PACRG: variants seen among roughly 807,000 people sequenced by gnomAD.
PACRG encodes the protein parkin coregulated.
A neutral mutation model predicts 29.7 loss-of-function variants in PACRG; 29 were observed. The ratio of observed to expected loss-of-function variants is 0.98; its 90% CI spans 0.73 to 1.33. The LOEUF (loss-of-function observed/expected upper bound fraction) is 1.33, where lower values mean the gene tolerates loss of function less well. Among genes scored for constraint, PACRG ranks in the 40% most tolerant of loss-of-function variants. PACRG has a pLI of 0.00. For synonymous variants in PACRG, 116 were observed against 118.7 expected (o/e 0.98, Z 0.15); for missense variants, 279 against 316.2 (o/e 0.88, Z 0.89).
chr6:163,020,586 C>A (rs886392579), intron 2 of PACRG, among the ~76,000 whole-genome samples: 3 of 152,220 alleles, frequency 2.0e-5, no homozygotes, highest in African/African-American at 7.2e-5. Flanking sequence ...CTGAGTCCAG[C>A]AGCAGCGTTC....
chr6:163,246,160 T>G (rs1356188749), intron 4 of PACRG, among the ~76,000 whole-genome samples: 1 of 152,216 alleles, frequency 6.6e-6, no homozygotes, highest in African/African-American at 2.4e-5. Context: ...ACGCTTAGAA[T>G]CAATGTCAGT....
intron 4 of PACRG, among the ~76,000 whole-genome samples, chr6:163,233,393 A>G (rs577639157): frequency 6.6e-6 from 1 of 152,252 alleles, no homozygotes; most frequent in Non-Finnish European, 1.5e-5. Flanking sequence ...CAGTTGACCT[A>G]GATGGTAATT....
rs182707459 is a variant in PACRG at position 162,792,866 on chromosome 6, C to T, written c.157-21281C>T. On this transcript the variant is annotated intron_variant, in intron 1 of 4. Coordinates refer to ENST00000366888, the MANE Select transcript of PACRG (RefSeq NM_001080379.2). ...ATTTCAGAAAAGGAGATGTGTAGAG[C>T]CATTCAGGAGCCAGAATGCAAAATG... Among the ~76,000 whole-genome samples the T allele has an allele frequency of 7.1e-4, 108 of 152,182 alleles. No homozygotes were observed. In the East Asian group the frequency reaches 0.011, roughly 16 times the overall value.
intron 1 of PACRG, among the ~76,000 whole-genome samples, chr6:162,753,473 A>C (rs1781669472): frequency 6.6e-6 from 1 of 152,162 alleles, no homozygotes; most frequent in African/African-American, 2.4e-5. Flanking sequence ...CATTTAATTT[A>C]TATCGCAATT....
intron 2 of PACRG, among the ~76,000 whole-genome samples, chr6:163,026,981 G>A (rs536974080): frequency 3.9e-5 from 6 of 152,348 alleles, no homozygotes; most frequent in South Asian, 4.1e-4. Context: ...TCTGAGCAAC[G>A]TGGATATGCT....
intron 2 of PACRG, among the ~76,000 whole-genome samples, chr6:162,881,243 G>T (rs1260371254): frequency 6.6e-6 from 1 of 152,182 alleles, no homozygotes; most frequent in Non-Finnish European, 1.5e-5. Flanking sequence ...CCTGATGGTT[G>T]TCTTCAAAAT....
intron 2 of PACRG, among the ~76,000 whole-genome samples, chr6:162,904,233 C>A (rs73786128): frequency 0.039 from 5,874 of 152,296 alleles, 394 homozygotes; most frequent in African/African-American, 0.13. Flanking sequence ...CTACAGAATA[C>A]CTTCACAGAA....
At chr6:162,785,197 AGAGAGG>A (rs1258468527) in intron 1 of PACRG, among the ~76,000 whole-genome samples, 12 of 150,742 alleles carry the variant, frequency 8.0e-5, no homozygotes, top group African/African-American at 2.7e-4. Context: ...AGAGAGAGAG[AGAGAGG>A]GAGAGAAAGG....
chr6:163,041,227 C>T (rs1179572321), intron 2 of PACRG, among the ~76,000 whole-genome samples: 1 of 152,090 alleles, frequency 6.6e-6, no homozygotes, highest in African/African-American at 2.4e-5. Context: ...GTCCCAGCTA[C>T]TTGGGAGGGT....
At chr6:162,973,530 C>A (rs1405936750) in intron 2 of PACRG, among the ~76,000 whole-genome samples, 1 of 152,106 alleles carries the variant, frequency 6.6e-6, no homozygotes, top group African/African-American at 2.4e-5. Flanking sequence ...GCAAGCAAGG[C>A]AATTCTTTTA....
intron 2 of PACRG, among the ~76,000 whole-genome samples, chr6:162,863,641 G>A (rs1386016597): frequency 2.0e-5 from 3 of 152,132 alleles, no homozygotes; most frequent in Admixed American, 1.3e-4. Context: ...ATAGAACATC[G>A]ATGCTGCGGC....
intron 2 of PACRG, among the ~76,000 whole-genome samples, chr6:162,847,872 T>C (rs1333962): frequency 0.57 from 86,329 of 151,938 alleles, 26,515 homozygotes; most frequent in African/African-American, 0.82. Context: ...CTGGACTTTA[T>C]ATCAAAGGCT....
At chr6:163,259,344 A>G (rs1783232892) in intron 4 of PACRG, among the ~76,000 whole-genome samples, 1 of 152,184 alleles carries the variant, frequency 6.6e-6, no homozygotes, top group Non-Finnish European at 1.5e-5. Context: ...CCCCAATGCC[A>G]CTTCCTAACA....
intron 2 of PACRG, among the ~76,000 whole-genome samples, chr6:162,904,544 C>G (rs544259615): frequency 1.6e-4 from 25 of 152,190 alleles, no homozygotes; most frequent in Non-Finnish European, 2.8e-4. Context: ...GGAATTCCCT[C>G]TCTTGCTTGA....
At chr6:162,937,562 C>T (rs914666689) in intron 2 of PACRG, among the ~76,000 whole-genome samples, 114 of 152,292 alleles carry the variant, frequency 7.5e-4, no homozygotes, top group African/African-American at 2.5e-3. Context: ...GTGACACTTG[C>T]AGGGTGAATT....
At position 163,125,436 on chromosome 6, in the gene PACRG, G is replaced by T. The variant is rs542184850; in HGVS notation, c.613+36028G>T. Among the ~76,000 whole-genome samples, 2 of 152,278 alleles carry T rather than the reference G, an allele frequency of 1.3e-5. 1 individual carries two copies. Among genetic ancestry groups the T allele is most frequent in the South Asian group, 4.1e-4 (2 of 4,830 alleles). Reference sequence around the variant, plus strand: ...TATAAACTTAAAACTCACATACAGTGAAAAAACTCAATATAGAGCTGCACA... The same window carrying T: ...TATAAACTTAAAACTCACATACAGTTAAAAAACTCAATATAGAGCTGCACA... On this transcript the variant is annotated intron_variant, in intron 4 of 4. Coordinates refer to ENST00000366888, the MANE Select transcript of PACRG (RefSeq NM_001080379.2).
At chr6:162,730,208 G>A (rs991677633) in intron 1 of PACRG, among the ~76,000 whole-genome samples, 3 of 151,766 alleles carry the variant, frequency 2.0e-5, no homozygotes, top group Admixed American at 6.6e-5. Flanking sequence ...GGACAATACC[G>A]TTTATACAAA....
chr6:163,092,976 G>A (rs772094401), intron 4 of PACRG, among the ~76,000 whole-genome samples: 1 of 152,094 alleles, frequency 6.6e-6, no homozygotes. Flanking sequence ...GTGGCCTCCC[G>A]GTCTCACCAG....
intron 2 of PACRG, among the ~76,000 whole-genome samples, chr6:162,952,362 A>G (rs1799718455): frequency 6.6e-6 from 1 of 152,192 alleles, no homozygotes. Flanking sequence ...ATAGATTACT[A>G]AATTTTCATA....
Sources: allele counts gnomAD v4.1 joint callset (sites outside exome capture counted in the v4.1 genomes callset), GRCh38; gene constraint gnomAD v4.1.1; transcripts MANE v1.5; gene names NCBI Gene and HGNC (gene_info 2026-07-23, HGNC 2026-07-21).